PHACTR1: variants seen among roughly 807,000 people sequenced by gnomAD.
The protein encoded by PHACTR1 is phosphatase and actin regulator 1.
Under a neutral mutation model 69.2 loss-of-function variants are expected in PHACTR1, and 16 were observed. That is an observed-to-expected ratio of 0.23 (90% CI 0.16 to 0.35). The LOEUF is 0.35. PHACTR1 is among the 10% of genes least tolerant of loss of function. The pLI is 1.00. For synonymous variants in PHACTR1, 312 were observed against 284.5 expected (o/e 1.10, Z -0.97); for missense variants, 510 against 734.7 (o/e 0.69, Z 3.54).
intron 4 of PHACTR1, among the ~76,000 whole-genome samples, chr6:12,800,203 G>A (rs775403830): frequency 5.9e-5 from 9 of 152,152 alleles, no homozygotes; most frequent in Non-Finnish European, 1.3e-4. Context: ...TAGGCTAGAT[G>A]TTTAGTCATT....
At chr6:13,221,327 G>A (rs1358602567) in intron 8 of PHACTR1, among the ~76,000 whole-genome samples, 1 of 152,132 alleles carries the variant, frequency 6.6e-6, no homozygotes, top group African/African-American at 2.4e-5. Flanking sequence ...ATGCTGTAGA[G>A]GGTGGAGTTG....
intron 4 of PHACTR1, among the ~76,000 whole-genome samples, chr6:12,949,283 A>AAAG (rs1554175574): frequency 2.0e-5 from 3 of 150,880 alleles, no homozygotes; most frequent in African/African-American, 7.4e-5. Context: ...AAAAAAAAAA[A>AAAG]AAAAGAAAGA....
chr6:12,988,670 A>G (rs1796466753), intron 4 of PHACTR1, among the ~76,000 whole-genome samples: 1 of 152,208 alleles, frequency 6.6e-6, no homozygotes, highest in African/African-American at 2.4e-5. Flanking sequence ...AGGTTAAGCA[A>G]TTTGACCAGC....
intron 5 of PHACTR1, among the ~76,000 whole-genome samples, chr6:13,089,836 G>A (rs1388934983): frequency 6.6e-6 from 1 of 152,166 alleles, no homozygotes; most frequent in East Asian, 1.9e-4. Context: ...GAACAAACTG[G>A]TGAGAGGAGG....
intron 4 of PHACTR1, 102 bp downstream of exon 4, chr6:12,749,892 G>A: frequency 9.0e-7 from 1 of 1,111,156 alleles, no homozygotes; most frequent in Non-Finnish European, 1.2e-6. Flanking sequence ...GCCGCCCCCC[G>A]CAGTCGGGCG....
At chr6:12,996,292 T>G (rs930173417) in intron 4 of PHACTR1, among the ~76,000 whole-genome samples, 10 of 152,164 alleles carry the variant, frequency 6.6e-5, no homozygotes, top group Non-Finnish European at 1.3e-4. Flanking sequence ...AAAACTTTCT[T>G]GTTTTGAAAA....
intron 4 of PHACTR1, among the ~76,000 whole-genome samples, chr6:12,919,872 T>G (rs1423490022): frequency 6.6e-6 from 1 of 152,302 alleles, no homozygotes; most frequent in Admixed American, 6.5e-5. Context: ...CTAGGAGCCC[T>G]GGAGTACAAT....
chr6:13,143,824 A>C (rs1018139758), intron 5 of PHACTR1, among the ~76,000 whole-genome samples: 1 of 152,078 alleles, frequency 6.6e-6, no homozygotes, highest in African/African-American at 2.4e-5. Context: ...ATATTAGGAA[A>C]TTGAATCTGA....
chr6:13,215,727 A>C (rs879391607), intron 8 of PHACTR1, among the ~76,000 whole-genome samples: 1 of 152,262 alleles, frequency 6.6e-6, no homozygotes, highest in African/African-American at 2.4e-5. Context: ...TGCTAAGGAC[A>C]TATCCAACTC....
At chr6:13,127,002 G>A (rs892324663) in intron 5 of PHACTR1, among the ~76,000 whole-genome samples, 38 of 152,184 alleles carry the variant, frequency 2.5e-4, no homozygotes, top group African/African-American at 7.0e-4. Context: ...GGGAGCCTTC[G>A]TCAAGAAATG....
At chr6:12,721,381 CA>C (rs11453186) in intron 3 of PHACTR1, among the ~76,000 whole-genome samples, 13 of 143,392 alleles carry the variant, frequency 9.1e-5, no homozygotes, top group South Asian at 4.5e-4. Context: ...GAGATTCTGT[CA>C]AAAAAAAAAA....
intron 5 of PHACTR1, among the ~76,000 whole-genome samples, chr6:13,131,208 T>TACTC (rs1820393555): frequency 6.8e-6 from 1 of 146,374 alleles, no homozygotes. Flanking sequence ...TATATACACA[T>TACTC]ACACACACAC....
At chr6:12,942,516 A>G (rs2127542307) in intron 4 of PHACTR1, among the ~76,000 whole-genome samples, 1 of 152,326 alleles carries the variant, frequency 6.6e-6, no homozygotes, top group Non-Finnish European at 1.5e-5. Flanking sequence ...CACAGTGGCC[A>G]GGTGCAGTGG....
intron 7 of PHACTR1, among the ~76,000 whole-genome samples, chr6:13,203,858 TTCAGTTCC>T (rs1443507617): frequency 6.6e-6 from 1 of 152,096 alleles, no homozygotes; most frequent in Non-Finnish European, 1.5e-5. Flanking sequence ...AGTGCTCCTC[TTCAGTTCC>T]TCACTGGGAT....
chr6:12,955,956 G>T, intron 4 of PHACTR1, among the ~76,000 whole-genome samples: 1 of 152,096 alleles, frequency 6.6e-6, no homozygotes, highest in Admixed American at 6.5e-5. Flanking sequence ...AAAGTGTTTT[G>T]AAAGTGATTC....
intron 7 of PHACTR1, chr6:13,184,656 A>C (rs1335064055): frequency 4.1e-6 from 2 of 491,594 alleles, no homozygotes; most frequent in Non-Finnish European, 7.2e-6. Flanking sequence ...TCCTCGCTGT[A>C]GCTCTCTACA....
At chr6:12,992,056 A>G (rs1351771971) in intron 4 of PHACTR1, among the ~76,000 whole-genome samples, 1 of 152,060 alleles carries the variant, frequency 6.6e-6, no homozygotes, top group African/African-American at 2.4e-5. Flanking sequence ...CCACGTCCCA[A>G]AGTTAAACCA....
chr6:12,844,073 C>T (rs575739961), intron 4 of PHACTR1, among the ~76,000 whole-genome samples: 3 of 152,102 alleles, frequency 2.0e-5, no homozygotes, highest in Non-Finnish European at 4.4e-5. Flanking sequence ...ACCCAAGGTT[C>T]CTCTTACATG....
At chr6:12,954,567 T>C (rs1261729772) in intron 4 of PHACTR1, among the ~76,000 whole-genome samples, 2 of 151,868 alleles carry the variant, frequency 1.3e-5, no homozygotes, top group African/African-American at 4.8e-5. Context: ...AGAGGATGTG[T>C]AGAAAGTAGA....
Sources: allele counts gnomAD v4.1 joint callset (sites outside exome capture counted in the v4.1 genomes callset), GRCh38; gene constraint gnomAD v4.1.1; transcripts MANE v1.5; gene names NCBI Gene and HGNC (gene_info 2026-07-23, HGNC 2026-07-21).